BCO1: variants seen among roughly 807,000 people sequenced by gnomAD.
BCO1 encodes the protein beta-carotene oxygenase 1.
A neutral mutation model predicts 56.3 loss-of-function variants in BCO1; 54 were observed. That is an observed-to-expected ratio of 0.96 (90% CI 0.77 to 1.20). The LOEUF is 1.20. Ranked by LOEUF, BCO1 falls within the 50% of genes most tolerant of loss-of-function variation. The pLI, the probability that BCO1 is intolerant of heterozygous loss-of-function variation, is 0.00. For missense variants in BCO1, 801 were observed against 690.9 expected (o/e 1.16, Z -1.79); for synonymous variants, 318 against 266.1 (o/e 1.20, Z -1.90).
rs965599917 is a variant in BCO1, at chr16:81,275,749, A to G, written c.1102-5108A>G. Among the ~76,000 whole-genome samples the G allele has an allele frequency of 5.3e-5, 8 of 152,376 alleles. No individual in the cohort carries two copies. The East Asian group carries it at 1.5e-3, about 29-fold the overall frequency. ...AAAGTGCTTCCCACATAGAACAGGC[A>G]ATAGCAAATTCTATTTAAAAGGCCA... On this transcript the variant is annotated intron_variant, in intron 7 of 10. Coordinates refer to ENST00000258168, the MANE Select transcript of BCO1 (RefSeq NM_017429.3).
At chr16:81,278,578 A>G (rs868118846) in intron 7 of BCO1, among the ~76,000 whole-genome samples, 2 of 152,218 alleles carry the variant, frequency 1.3e-5, no homozygotes, top group Non-Finnish European at 2.9e-5. Context: ...AGCTAAAATA[A>G]GGAAAAGAGC....
Position 81,267,505 on chromosome 16 carries a change from C to T in BCO1, c.620-403C>T, listed in dbSNP as rs142528018. Among the ~76,000 whole-genome samples, 258 of 152,186 alleles carry T rather than the reference C, an allele frequency of 1.7e-3. 1 individual carries two copies. The highest frequency in any genetic ancestry group is 0.01 in the Middle Eastern group (3 of 294). On this transcript the variant is annotated intron_variant, in intron 5 of 10. Transcript: ENST00000258168. ...GCGTGAGCCTATTGTACCAGCTACT[C>T]GGGAGGCTGAGGCAGGAGAATTGCT...
Position 81,290,370 on chromosome 16 carries a change from C to G in BCO1, c.1437C>G (p.Val479=), listed in dbSNP as rs1457639144. 2 of 1,614,044 alleles carry G rather than the reference C, an allele frequency of 1.2e-6. No homozygotes were observed. Among genetic ancestry groups the G allele is most frequent in the East Asian group, 2.2e-5 (1 of 44,894 alleles). ...AAGGAGTAATCTTATCAGCCATTGT[C>G]TCTACTGATCCCCAAAAGCTGCCTT... ...EDDGVILSAI[V]STDPQKLPFL... The change falls in exon 11 of 11, where the codon GTC becomes GTG. Residue 479 remains valine (V), a synonymous_variant. Transcript: ENST00000258168.
Position 81,250,124 on chromosome 16 carries a change from G to A in BCO1, c.193+4521G>A, listed in dbSNP as rs143831097. ...CTCAGCCCTCCCCGTCACTCCTGAG[G>A]AGGATAGCCTGGGGACTACCACAGT... On this transcript the variant is annotated intron_variant, in intron 2 of 10. Transcript: ENST00000258168. 1.8e-4 allele frequency among the ~76,000 whole-genome samples: 27 copies of A among 152,274 alleles called. No homozygotes were observed. The East Asian group carries it at 5.0e-3, about 28-fold the overall frequency.
chr16:81,258,477 A>G (rs189265740), intron 2 of BCO1, among the ~76,000 whole-genome samples: 17 of 152,300 alleles, frequency 1.1e-4, no homozygotes, highest in Admixed American at 1.1e-3. Context: ...GACTGAAGTG[A>G]TCAACTGGGC....
chr16:81,259,071 T>A (rs1317481260), intron 2 of BCO1, among the ~76,000 whole-genome samples: 2 of 151,966 alleles, frequency 1.3e-5, no homozygotes, highest in African/African-American at 4.8e-5. Flanking sequence ...CCCAGACACC[T>A]CCTCCTAGGC....
At chr16:81,270,767 C>T (rs537526045) in intron 7 of BCO1, among the ~76,000 whole-genome samples, 37 of 140,942 alleles carry the variant, frequency 2.6e-4, no homozygotes, top group African/African-American at 8.0e-4. Context: ...TTTTTTGAGA[C>T]GTAGTCTCGC....
chr16:81,280,963 G>C lies in BCO1; in HGVS notation c.1207+1G>C, dbSNP rs1024064559. On this transcript the variant is annotated splice_donor_variant, in intron 8 of 10. Transcript: ENST00000258168. LOFTEE classifies it high-confidence loss of function. ...TGCCAGCCGGAATTTCTTTATGAAG[G>C]TAAAATGCATCCTCTTGTCCTGAGT... 1 of 1,606,586 alleles carries C rather than the reference G, an allele frequency of 6.2e-7. No individual in the cohort carries two copies. Among genetic ancestry groups the C allele is most frequent in the Non-Finnish European group, 8.5e-7 (1 of 1,173,276 alleles).
chr16:81,278,088 C>T (rs1907662129), intron 7 of BCO1, among the ~76,000 whole-genome samples: 1 of 152,098 alleles, frequency 6.6e-6, no homozygotes, highest in South Asian at 2.1e-4. Context: ...GTCGCCCAGG[C>T]TGGAGTGCAG....
intron 1 of BCO1, among the ~76,000 whole-genome samples, chr16:81,242,592 C>T (rs1462972568): frequency 6.6e-6 from 1 of 152,078 alleles, no homozygotes; most frequent in East Asian, 1.9e-4. Context: ...TATCTTTGTT[C>T]ATCCATTTCT....
At chr16:81,258,632 C>G (rs898013111) in intron 2 of BCO1, among the ~76,000 whole-genome samples, 2 of 152,222 alleles carry the variant, frequency 1.3e-5, no homozygotes, top group African/African-American at 2.4e-5. Flanking sequence ...CTGGTCAGCA[C>G]TCTCAGATGG....
intron 2 of BCO1, among the ~76,000 whole-genome samples, chr16:81,253,186 G>C (rs996202223): frequency 1.3e-5 from 2 of 152,084 alleles, no homozygotes; most frequent in African/African-American, 2.4e-5. Flanking sequence ...CAGTCAAGGA[G>C]ACTGAGGCTC....
At position 81,259,669 on chromosome 16, in the gene BCO1, C is replaced by G. The variant is rs746107948; in HGVS notation, c.194-7C>G. 9 of 1,614,190 alleles carry G rather than the reference C, an allele frequency of 5.6e-6. No individual in the cohort carries two copies. The highest frequency in any genetic ancestry group is 2.5e-6 in the Non-Finnish European group (3 of 1,180,018). On this transcript the variant is annotated splice_region_variant and splice_polypyrimidine_tract_variant and intron_variant, in intron 2 of 10. Transcript: ENST00000258168. ...AGCCTGAGATTATGCTGGTTCTTCT[C>G]TTGCAGGTGAAGTCTATTACAGGAG...
intron 8 of BCO1, 137 bp from the exon 9 acceptor site, chr16:81,285,403 A>G (rs1439165441): frequency 4.2e-6 from 3 of 716,946 alleles, no homozygotes; most frequent in East Asian, 2.7e-5. Context: ...CTTTGATCCA[A>G]TGCAGGCTCT....
In BCO1 at chr16:81,238,885, C is replaced by G. The variant is rs750353448; in HGVS notation, c.-24C>G. The G allele has an allele frequency of 1.2e-6, 2 of 1,611,352 alleles. No individual in the cohort carries two copies. On this transcript the variant is annotated 5_prime_UTR_variant, in exon 1 of 11. The change creates a new upstream start codon in the 5' untranslated region. Transcript: ENST00000258168. ...AGGAGCACCTGTTTGCTGTTAAAATCGATCTCCCTCGGCACCCTGAGCAAT... is the reference window on the plus strand; with the variant it reads ...AGGAGCACCTGTTTGCTGTTAAAATGGATCTCCCTCGGCACCCTGAGCAAT...
chr16:81,240,172 A>G (rs946764947), intron 1 of BCO1, among the ~76,000 whole-genome samples: 8 of 152,026 alleles, frequency 5.3e-5, no homozygotes, highest in African/African-American at 1.4e-4. Context: ...ATTAAATTAT[A>G]TATAAATTAA....
intron 7 of BCO1, among the ~76,000 whole-genome samples, chr16:81,271,840 C>G (rs1397531254): frequency 1.3e-5 from 2 of 152,038 alleles, no homozygotes; most frequent in African/African-American, 2.4e-5. Flanking sequence ...ACCTCTGCCT[C>G]TGAGGTTCAA....
intron 1 of BCO1, among the ~76,000 whole-genome samples, chr16:81,243,527 G>C (rs1905232633): frequency 6.6e-6 from 1 of 152,196 alleles, no homozygotes; most frequent in South Asian, 2.1e-4. Context: ...GGAGTGCAGT[G>C]GCGTGATCTC....
At chr16:81,287,678 G>T (rs1392159354) in intron 10 of BCO1, among the ~76,000 whole-genome samples, 1 of 152,130 alleles carries the variant, frequency 6.6e-6, no homozygotes, top group East Asian at 1.9e-4. Context: ...AAGTGCTTAT[G>T]TTCACAGTTC....
Sources: allele counts gnomAD v4.1 joint callset (sites outside exome capture counted in the v4.1 genomes callset), GRCh38; gene constraint gnomAD v4.1.1; transcripts MANE v1.5; gene names NCBI Gene and HGNC (gene_info 2026-07-23, HGNC 2026-07-21).